Variants in ELF5 observed in about 807,000 individuals in gnomAD.
ELF5 encodes the protein E74 like ETS transcription factor 5.
ELF5 carries 31 observed loss-of-function variants against 38.2 expected under a neutral mutation model. The ratio of observed to expected loss-of-function variants is 0.81; its 90% CI spans 0.61 to 1.10. The LOEUF is 1.10. Ranked by LOEUF, ELF5 falls within the 50% of genes least tolerant of loss-of-function variation. The probability of loss-of-function intolerance (pLI) is 0.00; values close to 1 mark genes in which losing one functional copy is unlikely to be tolerated. For missense variants in ELF5, 300 were observed against 306.6 expected (o/e 0.98, Z 0.16); for synonymous variants, 121 against 112.5 (o/e 1.08, Z -0.48).
In ELF5 at chr11:34,493,972, C is replaced by A. The variant is rs77236946; in HGVS notation, c.122-260G>T. On this transcript the variant is annotated intron_variant, in intron 2 of 6. Coordinates refer to ENST00000257832, the MANE Select transcript of ELF5 (RefSeq NM_001422.4). ...AAGAACCAGTCTTGGTGCTGATGCTCAAAAAAAAAGGCATTTAGTGGAGAA... is the reference window on the plus strand; with the variant it reads ...AAGAACCAGTCTTGGTGCTGATGCTAAAAAAAAAAGGCATTTAGTGGAGAA... 2.0e-3 allele frequency among the ~76,000 whole-genome samples: 300 copies of A among 149,534 alleles called. 1 individual carries two copies. Among genetic ancestry groups the A allele is most frequent in the African/African-American group, 6.6e-3 (271 of 40,792 alleles).
rs534765826 is a variant in ELF5, at chr11:34,490,154, C to T, written c.356-95G>A. On this transcript the variant is annotated intron_variant, in intron 3 of 6. Coordinates refer to ENST00000257832, the MANE Select transcript of ELF5 (RefSeq NM_001422.4). ...GGGGTGTTGGAGGGAAGTGGAGTGA[C>T]TGTCCCTCTTGAGGTTGGTTACAAT... The T allele has an allele frequency of 4.7e-5, 64 of 1,356,386 alleles. 1 individual carries two copies. The South Asian group carries it at 7.2e-4, about 15-fold the overall frequency. The allele number at this position is 1,356,386 out of a possible 1,614,324, so 84.0% of individuals were successfully genotyped here.
chr11:34,484,332 C>A (rs1564974205), intron 4 of ELF5, among the ~76,000 whole-genome samples: 1 of 151,366 alleles, frequency 6.6e-6, no homozygotes, highest in East Asian at 1.9e-4. Flanking sequence ...ATATTGTATT[C>A]TACTGTACAT....
At chr11:34,486,482 C>T (rs542135475) in intron 4 of ELF5, among the ~76,000 whole-genome samples, 1 of 152,212 alleles carries the variant, frequency 6.6e-6, no homozygotes, top group South Asian at 2.1e-4. Context: ...GGGCCCAGAA[C>T]TTGAGGAGTT....
intron 2 of ELF5, 89 bp from the exon 3 acceptor site, chr11:34,493,801 C>T (rs1564979716): frequency 3.3e-5 from 37 of 1,136,732 alleles, no homozygotes; most frequent in Non-Finnish European, 4.4e-5. Context: ...AAGTAACATC[C>T]TCATTCCTCA....
rs77906368 is a variant in ELF5 at position 34,486,898 on chromosome 11, G to C, written c.406+3111C>G. 7.1e-3 allele frequency among the ~76,000 whole-genome samples: 1,085 copies of C among 152,310 alleles called. 11 individuals carry two copies. The highest frequency in any genetic ancestry group is 0.023 in the African/African-American group (977 of 41,578). On this transcript the variant is annotated intron_variant, in intron 4 of 6. Coordinates refer to ENST00000257832, the MANE Select transcript of ELF5 (RefSeq NM_001422.4). Reference sequence around the variant, plus strand: ...AGGATGCCACTTTCCTTATTGGCCAGGTCTTGGTCTTTGGATGGGACATCA... The same window carrying C: ...AGGATGCCACTTTCCTTATTGGCCACGTCTTGGTCTTTGGATGGGACATCA...
chr11:34,500,746 GA>G (rs1850444674), intron 2 of ELF5, among the ~76,000 whole-genome samples: 1 of 152,236 alleles, frequency 6.6e-6, no homozygotes, highest in African/African-American at 2.4e-5. Flanking sequence ...TTTTGACTTA[GA>G]AGTTCTTAGA....
chr11:34,484,227 T>C (rs528463807), intron 4 of ELF5, among the ~76,000 whole-genome samples: 21 of 144,378 alleles, frequency 1.5e-4, no homozygotes, highest in South Asian at 4.4e-4. Context: ...CTGTACCAAC[T>C]ACACTATATT....
At chr11:34,507,947 A>G (rs902921132) in intron 1 of ELF5, among the ~76,000 whole-genome samples, 1 of 152,224 alleles carries the variant, frequency 6.6e-6, no homozygotes, top group Non-Finnish European at 1.5e-5. Flanking sequence ...CAATCCATAT[A>G]CTACGAGCAC....
At chr11:34,502,117 C>T (rs7935626) in intron 2 of ELF5, among the ~76,000 whole-genome samples, 20,065 of 152,146 alleles carry the variant, frequency 0.13, 1,483 homozygotes, top group Admixed American at 0.21. Flanking sequence ...GTGCCAGGCA[C>T]GTGACTAAAC....
chr11:34,496,467 C>A (rs1850324539), intron 2 of ELF5, among the ~76,000 whole-genome samples: 1 of 152,220 alleles, frequency 6.6e-6, no homozygotes, highest in South Asian at 2.1e-4. Flanking sequence ...GCTGTCAGCC[C>A]CTCCTCACCA....
Position 34,487,072 on chromosome 11 carries a change from C to T in ELF5, c.406+2937G>A, listed in dbSNP as rs114755267. ...ACCAACCTGTCGTCTTCATACCTCC[C>T]CTTGTGCCCATCAAACTATCCATTA... On this transcript the variant is annotated intron_variant, in intron 4 of 6. Coordinates refer to ENST00000257832, the MANE Select transcript of ELF5 (RefSeq NM_001422.4). Among the ~76,000 whole-genome samples the T allele has an allele frequency of 4.1e-3, 629 of 152,192 alleles. 6 individuals are homozygous for T. Among genetic ancestry groups the T allele is most frequent in the African/African-American group, 0.014 (595 of 41,510 alleles).
intron 4 of ELF5, among the ~76,000 whole-genome samples, 197 bp from the exon 5 acceptor site, chr11:34,482,696 C>G (rs1856968768): frequency 6.6e-6 from 1 of 152,148 alleles, no homozygotes; most frequent in Non-Finnish European, 1.5e-5. Context: ...TGTATTCAAT[C>G]TCACCCCACC....
At chr11:34,490,177 A>C in intron 3 of ELF5, 118 bp from the exon 4 acceptor site, 2 of 1,099,360 alleles carry the variant, frequency 1.8e-6, no homozygotes, top group South Asian at 2.5e-5. Flanking sequence ...GGTTGGTTAC[A>C]ATTTAGAGGG....
chr11:34,486,332 G>A (rs4756153), intron 4 of ELF5, among the ~76,000 whole-genome samples: 41,600 of 151,824 alleles, frequency 0.27, 6,172 homozygotes, highest in East Asian at 0.45. Context: ...AGTGGGACAG[G>A]TGGAGAGAAG....
chr11:34,498,402 C>T (rs1026519933), intron 2 of ELF5, among the ~76,000 whole-genome samples: 13 of 152,036 alleles, frequency 8.6e-5, no homozygotes, highest in Admixed American at 3.3e-4. Context: ...TCTAGACCTT[C>T]GGTTTATTTT....
chr11:34,504,177 A>T (rs1466599006), intron 2 of ELF5, among the ~76,000 whole-genome samples: 1 of 152,238 alleles, frequency 6.6e-6, no homozygotes, highest in Non-Finnish European at 1.5e-5. Flanking sequence ...CACTGTGGGA[A>T]ACATAGGGAG....
chr11:34,482,647 G>C (rs1238867593), intron 4 of ELF5, 148 bp from the exon 5 acceptor site: 1 of 607,806 alleles, frequency 1.6e-6, no homozygotes, highest in East Asian at 2.9e-5. Context: ...CTAGGTGGCA[G>C]GTGTCAAGAT....
intron 1 of ELF5, among the ~76,000 whole-genome samples, chr11:34,506,349 G>C (rs1370972801): frequency 2.6e-5 from 4 of 152,088 alleles, no homozygotes; most frequent in Admixed American, 6.5e-5. Context: ...GAGGAGGCAG[G>C]GAAGGGGGCC....
At chr11:34,502,181 G>A (rs1451179167) in intron 2 of ELF5, among the ~76,000 whole-genome samples, 1 of 152,234 alleles carries the variant, frequency 6.6e-6, no homozygotes, top group Non-Finnish European at 1.5e-5. Context: ...GCAGAGGAAA[G>A]CATATCTCAA....
Sources: allele counts gnomAD v4.1 joint callset (sites outside exome capture counted in the v4.1 genomes callset), GRCh38; gene constraint gnomAD v4.1.1; transcripts MANE v1.5; gene names NCBI Gene and HGNC (gene_info 2026-07-23, HGNC 2026-07-21).